Variants in RUNX2 observed in about 807,000 individuals in gnomAD.
RUNX2 encodes the protein RUNX family transcription factor 2, also known as runt-related transcription factor 2.
RUNX2 carries 10 observed loss-of-function variants against 51.7 expected under a neutral mutation model. The observed-to-expected ratio is 0.19, with a 90% CI of 0.12 to 0.33. The LOEUF is 0.33. Among genes scored for constraint, RUNX2 ranks in the 10% least tolerant of loss-of-function variants. The pLI is 1.00. For missense variants in RUNX2, 562 were observed against 691.3 expected (o/e 0.81, Z 2.10); for synonymous variants, 276 against 273.6 (o/e 1.01, Z -0.09).
chr6:45,480,766 G>T (rs925725581), intron 5 of RUNX2, among the ~76,000 whole-genome samples: 5 of 152,144 alleles, frequency 3.3e-5, no homozygotes, highest in African/African-American at 1.2e-4. Flanking sequence ...AAAGTAATCA[G>T]GTTTTGCAGG....
intron 2 of RUNX2, among the ~76,000 whole-genome samples, chr6:45,355,240 G>A (rs1792929376): frequency 6.6e-6 from 1 of 151,616 alleles, no homozygotes. Context: ...GGGATTACAG[G>A]CATGAGCCAC....
chr6:45,525,988 CA>C (rs1189104091), intron 7 of RUNX2, among the ~76,000 whole-genome samples: 197 of 122,820 alleles, frequency 1.6e-3, no homozygotes, highest in Non-Finnish European at 1.3e-3. Context: ...ACTCTGTCTC[CA>C]AAAAAAAAAA....
chr6:45,425,267 A>G (rs1033070282), intron 3 of RUNX2, among the ~76,000 whole-genome samples: 1 of 152,204 alleles, frequency 6.6e-6, no homozygotes, highest in Non-Finnish European at 1.5e-5. Flanking sequence ...TGATTTGAAC[A>G]TGAGCATTTT....
chr6:45,500,905 G>A (rs779304495), intron 6 of RUNX2, among the ~76,000 whole-genome samples: 3 of 152,194 alleles, frequency 2.0e-5, no homozygotes, highest in Non-Finnish European at 2.9e-5. Context: ...ATGTCCTGCA[G>A]GTTGGTAGAT....
chr6:45,387,564 CCA>C (rs1299804346), intron 2 of RUNX2, among the ~76,000 whole-genome samples: 1 of 152,192 alleles, frequency 6.6e-6, no homozygotes. Flanking sequence ...TCCTAAATAT[CCA>C]CATTCAATGC....
chr6:45,351,415 A>C (rs1792025444), intron 2 of RUNX2, among the ~76,000 whole-genome samples: 1 of 152,188 alleles, frequency 6.6e-6, no homozygotes, highest in Non-Finnish European at 1.5e-5. Context: ...CAGGGAGCTT[A>C]TGGTGAGGAA....
At chr6:45,502,051 A>G (rs1481988410) in intron 6 of RUNX2, among the ~76,000 whole-genome samples, 1 of 152,244 alleles carries the variant, frequency 6.6e-6, no homozygotes, top group Admixed American at 6.5e-5. Context: ...AACTAAGATT[A>G]GTAGTGATTG....
chr6:45,400,916 G>T (rs955328999), intron 2 of RUNX2, among the ~76,000 whole-genome samples: 1 of 152,154 alleles, frequency 6.6e-6, no homozygotes, highest in Non-Finnish European at 1.5e-5. Flanking sequence ...AAGATGAGTT[G>T]CTGAGTAGAT....
At chr6:45,422,524 T>A (rs931764823) in intron 2 of RUNX2, 69 bp from the exon 3 acceptor site, 60 of 1,039,282 alleles carry the variant, frequency 5.8e-5, no homozygotes, top group East Asian at 1.9e-4. Flanking sequence ...TTGCCCCTCA[T>A]TTCCACCCTC....
chr6:45,465,232 AGTTCCT>A (rs1237503499), intron 5 of RUNX2, among the ~76,000 whole-genome samples: 1 of 152,170 alleles, frequency 6.6e-6, no homozygotes, highest in Admixed American at 6.5e-5. Context: ...GAAAACTCCA[AGTTCCT>A]GTTATAATCC....
intron 2 of RUNX2, among the ~76,000 whole-genome samples, chr6:45,379,927 A>G (rs1019905649): frequency 7.2e-5 from 11 of 152,158 alleles, no homozygotes; most frequent in African/African-American, 2.7e-4. Flanking sequence ...GAGAAGGGAA[A>G]CTGAGTTAAG....
chr6:45,470,574 A>T (rs1356753307), intron 5 of RUNX2, among the ~76,000 whole-genome samples: 1 of 152,222 alleles, frequency 6.6e-6, no homozygotes. Flanking sequence ...GGATGAGATC[A>T]CTGTGGACCC....
intron 2 of RUNX2, among the ~76,000 whole-genome samples, chr6:45,414,343 C>A (rs929000180): frequency 5.3e-5 from 8 of 152,130 alleles, no homozygotes; most frequent in African/African-American, 1.9e-4. Flanking sequence ...ACAATATTCC[C>A]TTCTAGACAG....
At chr6:45,440,189 G>A (rs1169798591) in intron 5 of RUNX2, among the ~76,000 whole-genome samples, 1 of 152,206 alleles carries the variant, frequency 6.6e-6, no homozygotes, top group Non-Finnish European at 1.5e-5. Flanking sequence ...AGTGTCTGGA[G>A]AGAAGCATGG....
chr6:45,478,574 C>T (rs142219929), intron 5 of RUNX2, among the ~76,000 whole-genome samples: 1 of 152,240 alleles, frequency 6.6e-6, no homozygotes, highest in Non-Finnish European at 1.5e-5. Flanking sequence ...ATGAGATTCT[C>T]CTTTTTAATC....
chr6:45,429,428 G>A (rs901629623), intron 3 of RUNX2, among the ~76,000 whole-genome samples: 3 of 152,168 alleles, frequency 2.0e-5, no homozygotes, highest in African/African-American at 7.2e-5. Flanking sequence ...TTTTTGGCAT[G>A]GTGAATTTGA....
At position 45,428,433 on chromosome 6, in the gene RUNX2, C is replaced by T. The variant is rs777071773; in HGVS notation, c.424-3430C>T. ...TTCTCCCCCTCAGAAAAACATCGGGCAATCTGATTTGGTAGAGTGAATAGC... is the reference window on the plus strand; with the variant it reads ...TTCTCCCCCTCAGAAAAACATCGGGTAATCTGATTTGGTAGAGTGAATAGC... On this transcript the variant is annotated intron_variant, in intron 3 of 8. Transcript: ENST00000647337. 6.3e-4 allele frequency among the ~76,000 whole-genome samples: 96 copies of T among 152,082 alleles called. 1 individual carries two copies. The highest frequency in any genetic ancestry group is 7.9e-4 in the Non-Finnish European group (54 of 67,996).
rs776708490 is a variant in RUNX2 at position 45,492,022 on chromosome 6, G to T, written c.767G>T (p.Ser256Ile). The T allele has an allele frequency of 5.6e-6, 9 of 1,613,938 alleles. No homozygotes were observed. The Admixed American group carries it at 1.2e-4, about 21-fold the overall frequency. Reference sequence around the variant, plus strand: ...GATTTAGGGCGCATTCCTCATCCCAGTATGAGAGTAGGTGTCCCGCCTCAG... The same window carrying T: ...GATTTAGGGCGCATTCCTCATCCCATTATGAGAGTAGGTGTCCCGCCTCAG... Reference protein sequence around the residue: ...LSDLGRIPHPSMRVGVPPQNP... With the variant: ...LSDLGRIPHPIMRVGVPPQNP... The change falls in exon 6 of 9, where the codon AGT becomes ATT. Residue 256 changes from serine (S) to isoleucine (I), a missense_variant. Coordinates refer to ENST00000647337, the MANE Select transcript of RUNX2 (RefSeq NM_001024630.4).
intron 5 of RUNX2, among the ~76,000 whole-genome samples, chr6:45,438,707 A>G (rs1798759753): frequency 6.6e-6 from 1 of 152,210 alleles, no homozygotes; most frequent in African/African-American, 2.4e-5. Flanking sequence ...GGTAGCGCAC[A>G]TAATCTACTT....
Sources: gnomAD v4.1 joint callset for allele counts (sites outside exome capture counted in the v4.1 genomes callset) on GRCh38, gnomAD v4.1.1 for gene constraint, MANE v1.5 for transcripts, NCBI Gene and HGNC (gene_info 2026-07-23, HGNC 2026-07-21) for gene names.